CUL5: variants seen among roughly 807,000 people sequenced by gnomAD.
The protein encoded by CUL5 is cullin-5.
A neutral mutation model predicts 108.8 loss-of-function variants in CUL5; 26 were observed. The ratio of observed to expected loss-of-function variants is 0.24; its 90% CI spans 0.18 to 0.33. The LOEUF (loss-of-function observed/expected upper bound fraction) is 0.33, where lower values mean the gene tolerates loss of function less well. Among genes scored for constraint, CUL5 ranks in the 10% least tolerant of loss-of-function variants. CUL5 has a pLI of 1.00. For synonymous variants in CUL5, 334 were observed against 298.0 expected (o/e 1.12, Z -1.25); for missense variants, 524 against 909.2 (o/e 0.58, Z 5.45).
In CUL5 at chr11:108,045,048, C is replaced by T. The variant is rs1039862972; in HGVS notation, c.135-1222C>T. On this transcript the variant is annotated intron_variant, in intron 2 of 18. Coordinates refer to ENST00000393094, the MANE Select transcript of CUL5 (RefSeq NM_003478.6). ...CAAGTGCTTGGATTACAGGCTTGAG[C>T]CACTGCCCCTGGCCTACAACTAGGT... 2.6e-5 allele frequency among the ~76,000 whole-genome samples: 4 copies of T among 152,284 alleles called. No individual in the cohort carries two copies. In the East Asian group the frequency reaches 7.7e-4, roughly 29 times the overall value.
At chr11:108,097,147 A>G (rs4109081) in intron 16 of CUL5, among the ~76,000 whole-genome samples, 56,228 of 151,950 alleles carry the variant, frequency 0.37, 11,646 homozygotes, top group Middle Eastern at 0.55. Flanking sequence ...CCCCCCAAGT[A>G]GCTGGGACTA....
chr11:108,062,799 T>TA (rs1424190181), intron 7 of CUL5, among the ~76,000 whole-genome samples: 1 of 152,142 alleles, frequency 6.6e-6, no homozygotes, highest in Non-Finnish European at 1.5e-5. Context: ...GTCACCCTGT[T>TA]ATGTTATCAA....
chr11:108,045,420 C>T (rs1399872914), intron 2 of CUL5, among the ~76,000 whole-genome samples: 2 of 151,828 alleles, frequency 1.3e-5, no homozygotes, highest in Non-Finnish European at 2.9e-5. Context: ...AGCAAAACCC[C>T]ATCTCTACCA....
intron 7 of CUL5, among the ~76,000 whole-genome samples, chr11:108,069,179 C>T (rs1348829617): frequency 6.6e-6 from 1 of 152,122 alleles, no homozygotes; most frequent in Non-Finnish European, 1.5e-5. Flanking sequence ...ATCACTTGAG[C>T]CTAGGAGTTC....
chr11:108,096,223 C>T (rs953264344), intron 16 of CUL5, among the ~76,000 whole-genome samples: 5 of 148,332 alleles, frequency 3.4e-5, no homozygotes, highest in Non-Finnish European at 6.0e-5. Flanking sequence ...GGGGCAGTGG[C>T]TCATGGCTGT....
intron 1 of CUL5, among the ~76,000 whole-genome samples, chr11:108,018,118 G>A (rs749589442): frequency 4.6e-5 from 7 of 152,178 alleles, no homozygotes; most frequent in African/African-American, 7.2e-5. Flanking sequence ...AGGAATGGAG[G>A]AAGGGCATTT....
At chr11:108,058,323 A>T (rs1468608102) in intron 7 of CUL5, among the ~76,000 whole-genome samples, 2 of 126,036 alleles carry the variant, frequency 1.6e-5, no homozygotes, top group Non-Finnish European at 3.1e-5. Flanking sequence ...GTCTCCGCTC[A>T]CTGCAACCTC....
At chr11:108,033,294 C>T (rs773524882) in intron 1 of CUL5, among the ~76,000 whole-genome samples, 2 of 152,174 alleles carry the variant, frequency 1.3e-5, no homozygotes, top group African/African-American at 2.4e-5. Flanking sequence ...AGCTTATTCA[C>T]ATAGGTGTGA....
intron 3 of CUL5, among the ~76,000 whole-genome samples, chr11:108,047,274 G>A (rs1035399600): frequency 6.6e-6 from 1 of 152,110 alleles, no homozygotes; most frequent in South Asian, 2.1e-4. Context: ...CCGTGATCAT[G>A]CCATTGCACT....
intron 13 of CUL5, among the ~76,000 whole-genome samples, chr11:108,091,517 C>A (rs994330553): frequency 6.6e-6 from 1 of 151,846 alleles, no homozygotes; most frequent in African/African-American, 2.4e-5. Flanking sequence ...TGGTGAAACC[C>A]CATCTCTACA....
chr11:108,066,490 C>T (rs529046360), intron 7 of CUL5, among the ~76,000 whole-genome samples: 1 of 152,176 alleles, frequency 6.6e-6, no homozygotes, highest in Admixed American at 6.5e-5. Context: ...ATACAACTCA[C>T]TCTGTTACTT....
intron 11 of CUL5, among the ~76,000 whole-genome samples, chr11:108,088,286 T>C (rs964446410): frequency 7.2e-5 from 11 of 152,094 alleles, no homozygotes; most frequent in Non-Finnish European, 1.5e-4. Flanking sequence ...GCACCTAGAG[T>C]GCAAAATTGA....
chr11:108,066,739 A>T (rs753772946), intron 7 of CUL5, among the ~76,000 whole-genome samples: 1 of 152,230 alleles, frequency 6.6e-6, no homozygotes, highest in Non-Finnish European at 1.5e-5. Flanking sequence ...GACACAGCAC[A>T]GTCTTTATAG....
chr11:108,100,858 G>A (rs1011409167), intron 18 of CUL5, among the ~76,000 whole-genome samples: 4 of 152,118 alleles, frequency 2.6e-5, no homozygotes, highest in African/African-American at 7.2e-5. Context: ...GTGAAACCCC[G>A]TCTCTACTAA....
chr11:108,030,527 C>T (rs1272909389), intron 1 of CUL5, among the ~76,000 whole-genome samples: 2 of 152,172 alleles, frequency 1.3e-5, no homozygotes, highest in Admixed American at 6.5e-5. Context: ...ATCCCAGTTA[C>T]TCGGGAAGCT....
chr11:108,073,293 G>T, intron 9 of CUL5, 97 bp from the exon 10 acceptor site: 2 of 622,300 alleles, frequency 3.2e-6, no homozygotes, highest in Non-Finnish European at 2.8e-6. Context: ...AATATCCCCA[G>T]TTTTAAATGA....
At chr11:108,049,539 T>C (rs1318844639) in intron 3 of CUL5, among the ~76,000 whole-genome samples, 1 of 152,006 alleles carries the variant, frequency 6.6e-6, no homozygotes, top group African/African-American at 2.4e-5. Context: ...GATGAGGTCT[T>C]GCTATGTTGC....
chr11:108,042,499 A>G (rs888022854), intron 2 of CUL5, among the ~76,000 whole-genome samples: 6 of 152,008 alleles, frequency 3.9e-5, no homozygotes, highest in African/African-American at 1.2e-4. Context: ...TGGGATTGCA[A>G]GCTTGAGCCA....
intron 1 of CUL5, among the ~76,000 whole-genome samples, chr11:108,017,967 CAT>C (rs1862244277): frequency 6.6e-6 from 1 of 152,186 alleles, no homozygotes; most frequent in African/African-American, 2.4e-5. Flanking sequence ...TTTTCTTCCT[CAT>C]GTTGACATTT....
Sources: allele counts gnomAD v4.1 joint callset (sites outside exome capture counted in the v4.1 genomes callset), GRCh38; gene constraint gnomAD v4.1.1; transcripts MANE v1.5; gene names NCBI Gene and HGNC (gene_info 2026-07-23, HGNC 2026-07-21).